C4orf51: variants seen among roughly 807,000 people sequenced by gnomAD.
The protein encoded by C4orf51 is uncharacterized protein C4orf51.
C4orf51 carries 25 observed loss-of-function variants against 25.2 expected under a neutral mutation model. That is an observed-to-expected ratio of 0.99 (90% CI 0.72 to 1.39). The LOEUF (loss-of-function observed/expected upper bound fraction) is 1.39. Ranked by LOEUF, C4orf51 falls within the 40% of genes most tolerant of loss-of-function variation. C4orf51 has a pLI of 0.00. For missense variants in C4orf51, 252 were observed against 239.6 expected, an observed-to-expected ratio of 1.05 and a Z score of -0.34; for synonymous variants, 100 against 84.5, an observed-to-expected ratio of 1.18 and a Z score of -1.01.
At chr4:145,698,449 T>G (rs765724873) in intron 2 of C4orf51, among the ~76,000 whole-genome samples, 1 of 152,176 alleles carries the variant, frequency 6.6e-6, no homozygotes, top group Non-Finnish European at 1.5e-5. Context: ...GATTTAAAGA[T>G]TTTCTGATTA....
intron 2 of C4orf51, among the ~76,000 whole-genome samples, chr4:145,719,764 C>G (rs1053457770): frequency 6.6e-6 from 1 of 152,140 alleles, no homozygotes; most frequent in Non-Finnish European, 1.5e-5. Flanking sequence ...TCTTCTCCAT[C>G]CCCTACACAG....
the C4orf51 span, among the ~76,000 whole-genome samples, chr4:145,776,300 A>T: frequency 1.3e-5 from 2 of 151,990 alleles, no homozygotes; most frequent in African/African-American, 4.8e-5. Context: ...CTACAAAAAA[A>T]TTTTTAAAAA....
At chr4:145,747,388 A>T (rs1733426623) in intron 1 of C4orf51, among the ~76,000 whole-genome samples, 1 of 122,204 alleles carries the variant, frequency 8.2e-6, no homozygotes, top group South Asian at 2.4e-4. Flanking sequence ...CAGTTTTTTG[A>T]GGTTTTTTTT....
intron 2 of C4orf51, among the ~76,000 whole-genome samples, chr4:145,707,190 C>T (rs541169317): frequency 9.2e-5 from 14 of 152,264 alleles, no homozygotes; most frequent in Admixed American, 7.8e-4. Context: ...CCACCCGCCT[C>T]GGCCTCCCAA....
chr4:145,727,895 G>GTATATATATA (rs35521926), intron 3 of C4orf51, among the ~76,000 whole-genome samples: 146 of 101,602 alleles, frequency 1.4e-3, no homozygotes, highest in African/African-American at 5.0e-3. Context: ...AAAAAAATGT[G>GTATATATATA]TATATATATA....
At chr4:145,700,364 T>G (rs375739915) in intron 2 of C4orf51, among the ~76,000 whole-genome samples, 14 of 152,216 alleles carry the variant, frequency 9.2e-5, no homozygotes, top group South Asian at 6.2e-4. Context: ...TTCTCTAGGT[T>G]TGCCTCCTTC....
At chr4:145,753,081 T>C (rs927445033) in intron 1 of C4orf51, among the ~76,000 whole-genome samples, 2 of 152,076 alleles carry the variant, frequency 1.3e-5, no homozygotes, top group African/African-American at 4.8e-5. Flanking sequence ...TTTTCAGTAA[T>C]ATGAAGTTAA....
intron 2 of C4orf51, among the ~76,000 whole-genome samples, chr4:145,710,701 C>T (rs975462029): frequency 1.3e-5 from 2 of 152,024 alleles, no homozygotes; most frequent in Non-Finnish European, 2.9e-5. Context: ...CTGTCTTTCC[C>T]CGGCATTGGT....
intron 2 of C4orf51, among the ~76,000 whole-genome samples, chr4:145,719,042 T>G (rs550617131): frequency 6.6e-6 from 1 of 152,370 alleles, no homozygotes; most frequent in Admixed American, 6.5e-5. Context: ...ATTTGTTTAC[T>G]TACTTATTAT....
At chr4:145,735,529 G>A (rs28491610), downstream of C4orf51, among the ~76,000 whole-genome samples, 19,010 of 152,046 alleles carry the variant, frequency 0.13, 1,383 homozygotes, top group African/African-American at 0.18. Context: ...TGTTTGTGCC[G>A]CCTTCATTAC....
chr4:145,705,064 C>A (rs760930446), intron 2 of C4orf51, among the ~76,000 whole-genome samples: 3 of 152,210 alleles, frequency 2.0e-5, no homozygotes, highest in Non-Finnish European at 4.4e-5. Context: ...TTGCAGTGGC[C>A]TGCTAACACT....
At chr4:145,766,465 T>C (rs1248827966) in intron 1 of C4orf51, among the ~76,000 whole-genome samples, 1 of 152,136 alleles carries the variant, frequency 6.6e-6, no homozygotes, top group Non-Finnish European at 1.5e-5. Flanking sequence ...AGGTGAGCCA[T>C]ATGACTGATC....
At chr4:145,682,413 C>A (rs1280133971) in intron 1 of C4orf51, among the ~76,000 whole-genome samples, 1 of 152,058 alleles carries the variant, frequency 6.6e-6, no homozygotes. Context: ...AAGTTCTGAG[C>A]AAAAGCTATT....
At chr4:145,707,907 G>A (rs192244617) in intron 2 of C4orf51, among the ~76,000 whole-genome samples, 1 of 152,364 alleles carries the variant, frequency 6.6e-6, no homozygotes, top group East Asian at 1.9e-4. Context: ...GCCAGTCAGA[G>A]CAGACAGCCC....
chr4:145,722,481 C>G (rs1292407482), intron 2 of C4orf51, among the ~76,000 whole-genome samples: 1 of 152,104 alleles, frequency 6.6e-6, no homozygotes, highest in Non-Finnish European at 1.5e-5. Flanking sequence ...TTTAACATTG[C>G]TAGAATAATT....
intron 2 of C4orf51, among the ~76,000 whole-genome samples, chr4:145,710,710 G>T (rs1168043657): frequency 6.6e-6 from 1 of 151,706 alleles, no homozygotes; most frequent in Non-Finnish European, 1.5e-5. Context: ...CCCGGCATTG[G>T]TTGCAGCCAA....
rs562162733 is a variant in C4orf51, at chr4:145,704,163, C to A, written c.307+7531C>A. On this transcript the variant is annotated intron_variant, in intron 2 of 5. Coordinates refer to ENST00000438731, the MANE Select transcript of C4orf51 (RefSeq NM_001080531.3). ...AGGTGGCTTTTTTATGTAGATGAAG[C>A]CTCCCTCAGAGAGAATAGATGGTAA... Among the ~76,000 whole-genome samples, 107 of 152,204 alleles carry A rather than the reference C, an allele frequency of 7.0e-4. 1 individual carries two copies. The highest frequency in any genetic ancestry group is 1.1e-3 in the Non-Finnish European group (78 of 68,008).
intron 3 of C4orf51, among the ~76,000 whole-genome samples, chr4:145,727,570 A>G (rs963846290): frequency 6.6e-6 from 1 of 151,900 alleles, no homozygotes; most frequent in Non-Finnish European, 1.5e-5. Flanking sequence ...AACTGACTCC[A>G]TTACAATTTT....
intron 1 of C4orf51, among the ~76,000 whole-genome samples, chr4:145,696,333 C>T (rs576205186): frequency 6.6e-6 from 1 of 152,080 alleles, no homozygotes; most frequent in Non-Finnish European, 1.5e-5. Context: ...AGGAGCAGAA[C>T]AAAATTGCTA....
Sources: allele counts gnomAD v4.1 joint callset (sites outside exome capture counted in the v4.1 genomes callset), GRCh38; gene constraint gnomAD v4.1.1; transcripts MANE v1.5; gene names NCBI Gene and HGNC (gene_info 2026-07-23, HGNC 2026-07-21).